The following CEP83 variants were observed in gnomAD, a reference collection of about 807,000 sequenced individuals.
The protein encoded by CEP83 is centrosomal protein of 83 kDa.
CEP83 carries 70 observed loss-of-function variants against 101.9 expected under a neutral mutation model. That is an observed-to-expected ratio of 0.69 (90% CI 0.57 to 0.84). The LOEUF is 0.84. Ranked by LOEUF, CEP83 falls within the 40% of genes least tolerant of loss-of-function variation. The pLI, the probability that CEP83 is intolerant of heterozygous loss-of-function variation, is 0.00. For missense variants in CEP83, 715 were observed against 787.2 expected (o/e 0.91, Z 1.10); for synonymous variants, 264 against 267.9 (o/e 0.99, Z 0.14).
the CEP83 span, among the ~76,000 whole-genome samples, chr12:94,284,087 GAAAAAA>G: frequency 1.1e-3 from 89 of 82,698 alleles, 1 homozygote; most frequent in South Asian, 0.037. Context: ...CATGTCAGGG[GAAAAAA>G]AAAAAAAAAA....
intron 11 of CEP83, among the ~76,000 whole-genome samples, chr12:94,354,056 A>G (rs1428037822): frequency 6.6e-6 from 1 of 152,216 alleles, no homozygotes; most frequent in Non-Finnish European, 1.5e-5. Context: ...GAGGATTTCA[A>G]TACCCCACTC....
chr12:94,300,808 T>C, the CEP83 span: 1 of 1,093,502 alleles, frequency 9.1e-7, no homozygotes, highest in Non-Finnish European at 1.3e-6. Flanking sequence ...GTTGTATACT[T>C]CAATAACAAG....
chr12:94,332,375 T>A (rs1440734056), intron 13 of CEP83, among the ~76,000 whole-genome samples: 1 of 152,204 alleles, frequency 6.6e-6, no homozygotes, highest in Non-Finnish European at 1.5e-5. Flanking sequence ...ATGATTTTTT[T>A]AGTATTCTTA....
chr12:94,387,963 A>C (rs2062253600), intron 6 of CEP83, among the ~76,000 whole-genome samples: 1 of 152,242 alleles, frequency 6.6e-6, no homozygotes, highest in Non-Finnish European at 1.5e-5. Flanking sequence ...GAAAAAAGGG[A>C]ACATTATACA....
rs1225591201 is a variant in CEP83, at chr12:94,376,688, T to TACAC, written c.802-672_802-671insGTGT. Among the ~76,000 whole-genome samples, 177 of 87,504 alleles carry TACAC rather than the reference T, an allele frequency of 2.0e-3. 2 individuals carry two copies. The highest frequency in any genetic ancestry group is 7.4e-3 in the African/African-American group (149 of 20,186). The allele number at this position is 87,504 out of a possible 152,430, so 57.4% of individuals were successfully genotyped here. ...CTATTCAACATAATATATATACATA[T>TACAC]ATACACACACACACACACACACACA... On this transcript the variant is annotated intron_variant, in intron 7 of 16. Coordinates refer to ENST00000397809, the MANE Select transcript of CEP83 (RefSeq NM_016122.3).
chr12:94,348,766 C>T (rs376438874), intron 11 of CEP83, among the ~76,000 whole-genome samples: 10 of 152,224 alleles, frequency 6.6e-5, no homozygotes, highest in South Asian at 6.2e-4. Context: ...TGCCCGCAGC[C>T]GGCACTGATC....
intron 14 of CEP83, among the ~76,000 whole-genome samples, chr12:94,317,731 G>A (rs1970941112): frequency 6.6e-6 from 1 of 152,054 alleles, no homozygotes; most frequent in Admixed American, 6.6e-5. Context: ...TTGTAGCTGT[G>A]AGGCCTTAAT....
the CEP83 span, among the ~76,000 whole-genome samples, chr12:94,272,840 G>C: frequency 2.6e-5 from 4 of 152,218 alleles, no homozygotes; most frequent in Non-Finnish European, 4.4e-5. Context: ...GGTTCTGTGG[G>C]GTTCAATATC....
the CEP83 span, among the ~76,000 whole-genome samples, chr12:94,270,292 C>T: frequency 2.6e-5 from 4 of 152,182 alleles, no homozygotes; most frequent in African/African-American, 4.8e-5. Flanking sequence ...TATTGGAACA[C>T]CTGTTCATTT....
In CEP83 at chr12:94,351,941, G is replaced by A. The variant is rs574018740; in HGVS notation, c.1343+15853C>T. 4.6e-5 allele frequency among the ~76,000 whole-genome samples: 7 copies of A among 152,286 alleles called. No homozygotes were observed. The South Asian group carries it at 6.2e-4, about 14-fold the overall frequency. On this transcript the variant is annotated intron_variant, in intron 11 of 16. Transcript: ENST00000397809. ...AGGTACTTGCAGACACTGCTGACAC[G>A]AATTACAGCCAAAGATCATATGGAG... is the stretch of plus-strand genomic sequence containing the variant.
At chr12:94,376,328 A>G (rs2061532802) in intron 7 of CEP83, among the ~76,000 whole-genome samples, 1 of 152,178 alleles carries the variant, frequency 6.6e-6, no homozygotes, top group Admixed American at 6.5e-5. Flanking sequence ...TACTCTTAAC[A>G]CTGACTTATT....
At chr12:94,376,062 A>G (rs777497304) in intron 7 of CEP83, 45 bp from the exon 8 acceptor site, 2 of 1,265,592 alleles carry the variant, frequency 1.6e-6, no homozygotes, top group Non-Finnish European at 2.1e-6. Context: ...TTTTTCAAGT[A>G]TTTCAAAATC....
In CEP83 at chr12:94,315,380, CTTCT is replaced by C. The variant is rs1041667470; in HGVS notation, c.1708-2367_1708-2364del. Among the ~76,000 whole-genome samples, 17 of 152,156 alleles carry C rather than the reference CTTCT, an allele frequency of 1.1e-4. 1 individual carries two copies. Among genetic ancestry groups the C allele is most frequent in the African/African-American group, 4.1e-4 (17 of 41,524 alleles). On this transcript the variant is annotated intron_variant, in intron 14 of 16. Transcript: ENST00000397809. The stretch of plus-strand genomic sequence containing the variant: ...ATGCATGTTAGTCATCTGGATATCC[CTTCT>C]TTGTGACGTGTCCATCCTAGTCTTT...
downstream of CEP83, chr12:94,306,916 A>C (rs1565880586): frequency 6.6e-6 from 1 of 152,176 alleles, no homozygotes. Flanking sequence ...TAGATGACAG[A>C]TCAGAATAAA....
intron 11 of CEP83, among the ~76,000 whole-genome samples, chr12:94,346,869 C>T (rs1046216110): frequency 1.3e-5 from 2 of 152,102 alleles, no homozygotes; most frequent in African/African-American, 4.8e-5. Context: ...GAAACCTTGT[C>T]TCTGCTAAAA....
Position 94,452,958 on chromosome 12 carries a change from C to T in CEP83, c.-155+6599G>A, listed in dbSNP as rs77102695. ...AAAGTACATACTCTTTCCTCTGTTACGCTGCTAAACAAGGACTTAAACTAC... is the reference window on the plus strand; with the variant it reads ...AAAGTACATACTCTTTCCTCTGTTATGCTGCTAAACAAGGACTTAAACTAC... On this transcript the variant is annotated intron_variant, in intron 1 of 16. Coordinates refer to ENST00000397809, the MANE Select transcript of CEP83 (RefSeq NM_016122.3). 2.2e-3 allele frequency among the ~76,000 whole-genome samples: 330 copies of T among 152,286 alleles called. 16 individuals are homozygous for T. In the East Asian group the frequency reaches 0.059, roughly 27 times the overall value.
chr12:94,358,659 A>G (rs1157322384), intron 11 of CEP83, among the ~76,000 whole-genome samples: 1 of 152,248 alleles, frequency 6.6e-6, no homozygotes, highest in Non-Finnish European at 1.5e-5. Flanking sequence ...CTGACTTAAG[A>G]GCCACCAATT....
At chr12:94,272,083 T>G in the CEP83 span, 6 of 152,080 alleles carry the variant, frequency 3.9e-5, no homozygotes, top group African/African-American at 1.4e-4. Context: ...CTTTCCAGCC[T>G]GGCCCTCTTC....
intron 11 of CEP83, among the ~76,000 whole-genome samples, chr12:94,355,912 G>A (rs888434144): frequency 6.6e-6 from 1 of 152,218 alleles, no homozygotes; most frequent in African/African-American, 2.4e-5. Flanking sequence ...TGACTGGTTT[G>A]CTGTTAATAA....
Sources: allele counts gnomAD v4.1 joint callset (sites outside exome capture counted in the v4.1 genomes callset), GRCh38; gene constraint gnomAD v4.1.1; transcripts MANE v1.5; gene names NCBI Gene and HGNC (gene_info 2026-07-23, HGNC 2026-07-21).